PCDHGB1: variants seen among roughly 807,000 people sequenced by gnomAD.
PCDHGB1 encodes protocadherin gamma-B1.
In PCDHGB1, 34 loss-of-function variants were observed where a neutral mutation model predicts 56.6. The observed-to-expected ratio is 0.60, with a 90% CI of 0.46 to 0.80. PCDHGB1 has a LOEUF of 0.80. Ranked by LOEUF, PCDHGB1 falls within the 30% of genes least tolerant of loss-of-function variation. PCDHGB1 has a pLI of 0.00. For missense variants in PCDHGB1, 1,278 were observed against 1,204.6 expected, an observed-to-expected ratio of 1.06 and a Z score of -0.90; for synonymous variants, 561 against 505.9, an observed-to-expected ratio of 1.11 and a Z score of -1.46.
chr5:141,390,781 G>C (rs527538379), intron 1 of PCDHGB1: 97 of 165,826 alleles, frequency 5.8e-4, no homozygotes, highest in Non-Finnish European at 1.1e-3. Flanking sequence ...CTTCCCTTTT[G>C]TTTCAAAAGC....
intron 1 of PCDHGB1, chr5:141,383,450 G>A: frequency 6.2e-7 from 1 of 1,613,960 alleles, no homozygotes; most frequent in Non-Finnish European, 8.5e-7. Context: ...GCTGTGCAAA[G>A]TGGAGACGAT....
At chr5:141,400,003 C>G (rs2093938557) in intron 1 of PCDHGB1, 1 of 1,612,278 alleles carries the variant, frequency 6.2e-7, no homozygotes, top group Non-Finnish European at 8.5e-7. Context: ...GCGCACAGCG[C>G]GTGCCTTGGG....
chr5:141,493,937 A>G lies in PCDHGB1; in HGVS notation c.2410-870A>G, dbSNP rs931274307. Among the ~76,000 whole-genome samples the G allele has an allele frequency of 6.6e-6, 1 of 152,212 alleles. No individual in the cohort carries two copies. The highest frequency in any genetic ancestry group is 1.5e-5 in the Non-Finnish European group (1 of 68,022). ...GGATAACACACCCCCTGGAAAGACCAGAAGGGACTCAGGAATGAAGTGGCT... is the reference window on the plus strand; with the variant it reads ...GGATAACACACCCCCTGGAAAGACCGGAAGGGACTCAGGAATGAAGTGGCT... On this transcript the variant is annotated intron_variant, in intron 1 of 3. Coordinates refer to ENST00000523390, the MANE Select transcript of PCDHGB1 (RefSeq NM_018922.3). This position sits in a 1 kb window ranked among gnomAD's most constrained non-coding sequence, Gnocchi z 4.3.
At chr5:141,468,191 G>A (rs1420885521) in intron 1 of PCDHGB1, among the ~76,000 whole-genome samples, 1 of 151,860 alleles carries the variant, frequency 6.6e-6, no homozygotes, top group African/African-American at 2.4e-5. Flanking sequence ...TGGGCATGGT[G>A]GCGGGTGCCT....
intron 2 of PCDHGB1, among the ~76,000 whole-genome samples, chr5:141,496,888 TAA>T (rs35063790): frequency 6.7e-5 from 9 of 134,018 alleles, no homozygotes; most frequent in Non-Finnish European, 4.9e-5. Flanking sequence ...AAGTAACACT[TAA>T]AAAAAAAAAA....
At chr5:141,394,455 C>T in intron 1 of PCDHGB1, 1 of 1,614,268 alleles carries the variant, frequency 6.2e-7, no homozygotes, top group Non-Finnish European at 8.5e-7. Flanking sequence ...CAACATGTCA[C>T]TGAGCCTGTT....
intron 2 of PCDHGB1, among the ~76,000 whole-genome samples, chr5:141,500,788 A>T (rs1379810633): frequency 2.6e-5 from 4 of 152,198 alleles, no homozygotes; most frequent in Admixed American, 6.5e-5. Context: ...ATATTATTTT[A>T]CAGAATAAGT....
At chr5:141,389,889 G>T (rs1190060148) in intron 1 of PCDHGB1, 1 of 1,614,086 alleles carries the variant, frequency 6.2e-7, no homozygotes, top group South Asian at 1.1e-5. Context: ...CTTGCAGGAG[G>T]TGCTGCCGGA....
intron 1 of PCDHGB1, chr5:141,412,443 T>C (rs1479281650): frequency 6.6e-6 from 1 of 152,204 alleles, no homozygotes; most frequent in Non-Finnish European, 1.5e-5. Context: ...TAATTAAGGC[T>C]CAGTAAAACT....
intron 1 of PCDHGB1, chr5:141,419,095 G>A (rs1478382101): frequency 1.2e-6 from 2 of 1,613,816 alleles, no homozygotes; most frequent in African/African-American, 2.7e-5. Context: ...CCCTGGATCG[G>A]GAGCAGACCC....
intron 1 of PCDHGB1, among the ~76,000 whole-genome samples, chr5:141,457,459 CA>C (rs1402759850): frequency 6.6e-6 from 1 of 152,166 alleles, no homozygotes; most frequent in Non-Finnish European, 1.5e-5. Context: ...CCACTTGATT[CA>C]CAGGAATAAG....
At chr5:141,418,145 T>G in intron 1 of PCDHGB1, 4 of 1,614,052 alleles carry the variant, frequency 2.5e-6, no homozygotes, top group Non-Finnish European at 3.4e-6. Flanking sequence ...TGAGCAAATA[T>G]GCAAAGAGAG....
chr5:141,350,874 A>G lies in PCDHGB1; in HGVS notation c.614A>G (p.His205Arg), dbSNP rs756809121. ...CTAGACAGGGAACATCAGAGCTCTC[A>G]TCGCTTAATCCTGACTGCCATGGAT... ...KPLDREHQSS[H>R]RLILTAMDGG... Residue 205 changes from histidine to arginine, a missense_variant, in exon 1 of 4, where the codon CAT becomes CGT. His to Arg is a conservative substitution (Grantham distance 29, BLOSUM62 0). Transcript: ENST00000523390. The G allele has an allele frequency of 1.9e-6, 3 of 1,613,964 alleles. No individual in the cohort carries two copies. The highest frequency in any genetic ancestry group is 2.5e-6 in the Non-Finnish European group (3 of 1,179,922).
At chr5:141,458,459 A>G (rs1232004043) in intron 1 of PCDHGB1, among the ~76,000 whole-genome samples, 1 of 152,006 alleles carries the variant, frequency 6.6e-6, no homozygotes, top group African/African-American at 2.4e-5. Flanking sequence ...AATTTTTAAA[A>G]TACCGTACAA....
At chr5:141,362,151 G>C (rs570950443) in intron 1 of PCDHGB1, 5 of 1,614,026 alleles carry the variant, frequency 3.1e-6, no homozygotes, top group Middle Eastern at 1.7e-4. Flanking sequence ...AAGAGGTATT[G>C]CCAGACCTCA....
chr5:141,381,909 A>AACCTCC (rs1182707286), intron 1 of PCDHGB1, among the ~76,000 whole-genome samples: 1 of 130,036 alleles, frequency 7.7e-6, no homozygotes, highest in East Asian at 2.2e-4. Context: ...GGCTCACCAC[A>AACCTCC]ACCTCCACCT....
intron 1 of PCDHGB1, chr5:141,355,455 C>G: frequency 6.2e-7 from 1 of 1,614,078 alleles, no homozygotes. Flanking sequence ...GCACCTTGGT[C>G]ACCGCGGGTA....
rs2154591305 is a variant in PCDHGB1, at chr5:141,493,879, G to A, written c.2410-928G>A. Among the ~76,000 whole-genome samples the A allele has an allele frequency of 6.6e-6, 1 of 152,288 alleles. No homozygotes were observed. The highest frequency in any genetic ancestry group is 6.5e-5 in the Admixed American group (1 of 15,302). ...CCCACCCCAGAACCAGTGAGGAGGT[G>A]GCTCTAGGAGTGCTCCATGAGAGTG... On this transcript the variant is annotated intron_variant, in intron 1 of 3. Coordinates refer to ENST00000523390, the MANE Select transcript of PCDHGB1 (RefSeq NM_018922.3). This position sits in a 1 kb window ranked among gnomAD's most constrained non-coding sequence, Gnocchi z 4.3.
chr5:141,403,083 T>C lies in PCDHGB1; in HGVS notation c.2409+50414T>C, dbSNP rs775664314. 7 of 1,613,932 alleles carry C rather than the reference T, an allele frequency of 4.3e-6. No individual in the cohort carries two copies. The highest frequency in any genetic ancestry group is 2.7e-5 in the African/African-American group (2 of 74,948). ...CCTGAAGAGACAGAAAAGGGCTATATTGTGGGCAACATCTCCAAGGACCTG... is the reference window on the plus strand; with the variant it reads ...CCTGAAGAGACAGAAAAGGGCTATACTGTGGGCAACATCTCCAAGGACCTG... On this transcript the variant is annotated intron_variant, in intron 1 of 3. Transcript: ENST00000523390.
Sources: gnomAD v4.1 joint callset for allele counts (sites outside exome capture counted in the v4.1 genomes callset) on GRCh38, gnomAD v4.1.1 for gene constraint, Gnocchi (gnomAD v3.1) non-coding constraint, MANE v1.5 for transcripts, NCBI Gene and HGNC (gene_info 2026-07-23, HGNC 2026-07-21) for gene names.